Variants in INPP5D observed in about 807,000 individuals in gnomAD.
INPP5D encodes the protein inositol polyphosphate-5-phosphatase D.
A neutral mutation model predicts 122.9 loss-of-function variants in INPP5D; 33 were observed. The observed-to-expected ratio is 0.27, with a 90% CI of 0.20 to 0.36. The LOEUF (loss-of-function observed/expected upper bound fraction) is 0.36. INPP5D is among the 10% of genes least tolerant of loss of function. INPP5D has a pLI of 1.00. For missense variants in INPP5D, 1,053 were observed against 1,412.7 expected, an observed-to-expected ratio of 0.75 and a Z score of 4.08; for synonymous variants, 584 against 576.2, an observed-to-expected ratio of 1.01 and a Z score of -0.19.
intron 2 of INPP5D, among the ~76,000 whole-genome samples, chr2:233,099,404 C>T (rs1439830808): frequency 1.3e-5 from 2 of 152,206 alleles, no homozygotes; most frequent in Admixed American, 1.3e-4. Context: ...GGAAGGCCTG[C>T]CTCCTGGATC....
Position 233,185,863 on chromosome 2 carries a change from G to A in INPP5D, c.2296G>A (p.Gly766Arg), listed in dbSNP as rs1241943013. Reference sequence around the variant, plus strand: ...AACAGGTTTTGTCAAGAGTCAGGAAGGAGAAAATGAAGAAGGAAGTGAGGG... The same window carrying A: ...AACAGGTTTTGTCAAGAGTCAGGAAAGAGAAAATGAAGAAGGAAGTGAGGG... ...CLESFVKSQE[G>R]ENEEGSEGEL... The change falls in exon 21 of 27, where the codon GGA (glycine) becomes AGA (arginine). Residue 766 changes from glycine to arginine, a missense_variant. Around this residue, in one of 6 missense-constraint regions of INPP5D, gnomAD observed 258 missense variants for 439.1 expected, o/e 0.59. Coordinates refer to ENST00000445964, the MANE Select transcript of INPP5D (RefSeq NM_001017915.3). 1 of 1,608,552 alleles carries A rather than the reference G, an allele frequency of 6.2e-7. No homozygotes were observed. Among genetic ancestry groups the A allele is most frequent in the Non-Finnish European group, 8.5e-7 (1 of 1,177,408 alleles).
At chr2:233,063,013 C>T (rs1394133860) in intron 1 of INPP5D, among the ~76,000 whole-genome samples, 1 of 151,640 alleles carries the variant, frequency 6.6e-6, no homozygotes, top group Admixed American at 6.6e-5. Context: ...TCATTTAAAG[C>T]AAAGAGATTG....
At chr2:233,062,931 C>G (rs530035657) in intron 1 of INPP5D, among the ~76,000 whole-genome samples, 15 of 152,212 alleles carry the variant, frequency 9.9e-5, no homozygotes, top group African/African-American at 3.4e-4. Context: ...TCTTCCAACA[C>G]CTCATTTCTT....
chr2:233,145,228 C>G (rs1472223431), intron 6 of INPP5D: 1 of 456,068 alleles, frequency 2.2e-6, no homozygotes, highest in Non-Finnish European at 4.4e-6. Flanking sequence ...TACTTGGCAT[C>G]AGGTAGACAG....
At chr2:233,146,540 G>A in intron 8 of INPP5D, 102 bp downstream of exon 8, 1 of 694,388 alleles carries the variant, frequency 1.4e-6, no homozygotes, top group Non-Finnish European at 2.6e-6. Flanking sequence ...CTTTAGCTGG[G>A]GAAGAGCAGG....
rs552947494 is a variant in INPP5D at position 233,186,416 on chromosome 2, T to C, written c.2358+491T>C. Among the ~76,000 whole-genome samples the C allele has an allele frequency of 2.0e-5, 3 of 152,254 alleles. No individual in the cohort carries two copies. In the South Asian group the frequency reaches 6.2e-4, roughly 32 times the overall value. ...ATACACTTGTGAACACACGAAGTAC[T>C]CGACATGTCTGTGGCCCTGCAAAGA... On this transcript the variant is annotated intron_variant, in intron 21 of 26. Coordinates refer to ENST00000445964, the MANE Select transcript of INPP5D (RefSeq NM_001017915.3).
chr2:233,130,996 A>C, intron 5 of INPP5D: 1 of 453,770 alleles, frequency 2.2e-6, no homozygotes, highest in Non-Finnish European at 4.0e-6. Flanking sequence ...TGCTGCAGCC[A>C]TTACACCTGA....
At chr2:233,145,928 G>A in intron 6 of INPP5D, 1 of 670,450 alleles carries the variant, frequency 1.5e-6, no homozygotes, top group Non-Finnish European at 2.7e-6. Context: ...GAAGCACCGG[G>A]GGAGAGGCAG....
chr2:233,068,477 C>T (rs1194703899), intron 1 of INPP5D, among the ~76,000 whole-genome samples: 6 of 151,968 alleles, frequency 3.9e-5, no homozygotes, highest in Non-Finnish European at 8.8e-5. Flanking sequence ...TGCCTGTAAT[C>T]CCAGCTACTT....
At position 233,124,873 on chromosome 2, in the gene INPP5D, G is replaced by T. The variant is rs536561228; in HGVS notation, c.350-872G>T. On this transcript the variant is annotated intron_variant, in intron 3 of 26. Transcript: ENST00000445964. ...CAGAGCAATGCGACATGAGGCCCGC[G>T]CAGTCCAAGAGGTCTGTTTGGGCCC... 6.8e-4 allele frequency among the ~76,000 whole-genome samples: 104 copies of T among 152,238 alleles called. 1 individual carries two copies. Among genetic ancestry groups the T allele is most frequent in the Non-Finnish European group, 6.3e-4 (43 of 68,034 alleles).
intron 18 of INPP5D, among the ~76,000 whole-genome samples, chr2:233,180,471 T>A (rs139110792): frequency 1.3e-5 from 2 of 152,114 alleles, no homozygotes; most frequent in Non-Finnish European, 2.9e-5. Context: ...CCCACCTCCA[T>A]CCTCTCCTGC....
At chr2:233,060,804 G>A (rs975969378) in intron 1 of INPP5D, among the ~76,000 whole-genome samples, 192 bp downstream of exon 1, 4 of 152,238 alleles carry the variant, frequency 2.6e-5, no homozygotes, top group Admixed American at 1.3e-4. Flanking sequence ...CAGCCTTGGA[G>A]CTGTCAGAAC....
intron 25 of INPP5D, among the ~76,000 whole-genome samples, chr2:233,200,168 A>C (rs1269638150): frequency 6.6e-6 from 1 of 152,238 alleles, no homozygotes; most frequent in African/African-American, 2.4e-5. Context: ...AATGGAAGCC[A>C]GATAGGAGAC....
intron 9 of INPP5D, among the ~76,000 whole-genome samples, chr2:233,148,599 T>G (rs1264444574): frequency 2.6e-5 from 4 of 151,992 alleles, no homozygotes; most frequent in African/African-American, 4.8e-5. Flanking sequence ...CGGGGCCACA[T>G]GGGGCTGGAG....
intron 20 of INPP5D, 145 bp from the exon 21 acceptor site, chr2:233,185,698 T>C (rs1291496628): frequency 7.9e-6 from 8 of 1,011,302 alleles, no homozygotes; most frequent in Non-Finnish European, 1.0e-5. Context: ...TCCTAAATGA[T>C]GCTGAGGCCC....
At chr2:233,201,661 C>G (rs1217858543) in intron 25 of INPP5D, among the ~76,000 whole-genome samples, 4 of 152,212 alleles carry the variant, frequency 2.6e-5, no homozygotes, top group Non-Finnish European at 5.9e-5. Flanking sequence ...AAGTACTGTC[C>G]CAGTTTTAGC....
chr2:233,149,798 G>C (rs1046982717), intron 9 of INPP5D, among the ~76,000 whole-genome samples: 1 of 151,596 alleles, frequency 6.6e-6, no homozygotes, highest in Non-Finnish European at 1.5e-5. Flanking sequence ...AGCAGGGATA[G>C]TAGCAGCATC....
At position 233,204,343 on chromosome 2, in the gene INPP5D, G is replaced by A; in HGVS notation, c.3193G>A (p.Ala1065Thr). ...ILSPSIVLTK[A>T]QEADRGEGPG... The stretch of plus-strand genomic sequence containing the variant: ...GTCGCCCAGCATCGTGCTCACCAAA[G>A]CCCAGGAGGCTGATCGCGGCGAGGG... Residue 1065 changes from alanine (A) to threonine (T), a missense_variant, in exon 26 of 27, where the codon GCC becomes ACC. Around this residue, in one of 6 missense-constraint regions of INPP5D, gnomAD observed 417 missense variants for 425.8 expected, o/e 0.98. Transcript: ENST00000445964. The A allele has an allele frequency of 6.2e-7, 1 of 1,610,646 alleles. No homozygotes were observed. Among genetic ancestry groups the A allele is most frequent in the Non-Finnish European group, 8.5e-7 (1 of 1,178,386 alleles).
intron 2 of INPP5D, among the ~76,000 whole-genome samples, chr2:233,081,587 G>A (rs1338629878): frequency 6.6e-6 from 1 of 152,162 alleles, no homozygotes; most frequent in Non-Finnish European, 1.5e-5. Flanking sequence ...TTGTGACCCT[G>A]GGAACTGCTG....
Sources: allele counts gnomAD v4.1 joint callset (sites outside exome capture counted in the v4.1 genomes callset), GRCh38; gene constraint gnomAD v4.1.1; regional missense constraint gnomAD v4.1.1; transcripts MANE v1.5; gene names NCBI Gene and HGNC (gene_info 2026-07-23, HGNC 2026-07-21).